IL1RAPL1: variants seen among roughly 807,000 people sequenced by gnomAD.
The protein encoded by IL1RAPL1 is interleukin 1 receptor accessory protein like 1, also known as interleukin-1 receptor accessory protein-like 1.
In IL1RAPL1, 3 loss-of-function variants were observed where a neutral mutation model predicts 48.4. That is an observed-to-expected ratio of 0.06 (90% CI 0.03 to 0.16). The LOEUF (loss-of-function observed/expected upper bound fraction) is 0.16, where lower values mean the gene tolerates loss of function less well. Ranked by LOEUF, IL1RAPL1 falls within the 10% of genes least tolerant of loss-of-function variation. IL1RAPL1 has a pLI of 1.00. For synonymous variants in IL1RAPL1, 185 were observed against 187.7 expected, an observed-to-expected ratio of 0.99 and a Z score of 0.12; for missense variants, 349 against 530.6, an observed-to-expected ratio of 0.66 and a Z score of 3.36.
At chrX:29,230,804 G>T (rs1931189454) in intron 2 of IL1RAPL1, among the ~76,000 whole-genome samples, 1 of 111,053 alleles carries the variant, frequency 9.0e-6, no homozygotes. Context: ...TCCCCCACAG[G>T]CAATACATGT....
intron 2 of IL1RAPL1, among the ~76,000 whole-genome samples, chrX:29,251,500 T>C (rs1931618556): frequency 8.9e-6 from 1 of 111,827 alleles, no homozygotes; most frequent in African/African-American, 3.2e-5. Flanking sequence ...CAAATACATG[T>C]ATGTATTCAC....
chrX:28,590,971 G>C (rs1433995234), intron 1 of IL1RAPL1, among the ~76,000 whole-genome samples: 2 of 112,013 alleles, frequency 1.8e-5, no homozygotes. Flanking sequence ...ACTTTCTTTA[G>C]GAAGATTATG....
chrX:29,089,072 G>A (rs1168292753), intron 2 of IL1RAPL1, among the ~76,000 whole-genome samples: 2 of 111,322 alleles, frequency 1.8e-5, no homozygotes, highest in Non-Finnish European at 3.8e-5. Flanking sequence ...CTTTATTAAT[G>A]TTCTTATGTG....
chrX:28,697,657 C>T (rs150571237), intron 1 of IL1RAPL1, among the ~76,000 whole-genome samples: 3,411 of 111,284 alleles, frequency 0.031, 135 homozygotes, highest in African/African-American at 0.11. Context: ...AAAGTACCCC[C>T]TCTTTTTATA....
chrX:29,310,127 A>G (rs1406815257), intron 3 of IL1RAPL1, among the ~76,000 whole-genome samples: 4 of 72,384 alleles, frequency 5.5e-5, no homozygotes, highest in African/African-American at 1.7e-4. Context: ...AAAAAAAAAA[A>G]AAGAAAGGAA....
intron 5 of IL1RAPL1, among the ~76,000 whole-genome samples, chrX:29,594,833 A>G (rs1335394543): frequency 9.0e-6 from 1 of 111,600 alleles, no homozygotes; most frequent in Non-Finnish European, 1.9e-5. Context: ...TGCACCCATC[A>G]CCTGAGCAGT....
intron 6 of IL1RAPL1, among the ~76,000 whole-genome samples, chrX:29,864,592 G>C (rs1931654786): frequency 8.9e-6 from 1 of 111,901 alleles, no homozygotes; most frequent in Non-Finnish European, 1.9e-5. Context: ...TGTATGAAGA[G>C]GGTATACAAA....
At chrX:29,519,511 G>A (rs1187805315) in intron 5 of IL1RAPL1, among the ~76,000 whole-genome samples, 1 of 111,608 alleles carries the variant, frequency 9.0e-6, no homozygotes, top group Non-Finnish European at 1.9e-5. Flanking sequence ...AGAGCAAGTC[G>A]AAAATATTTT....
chrX:29,092,139 G>C (rs965453815), intron 2 of IL1RAPL1, among the ~76,000 whole-genome samples: 5 of 110,982 alleles, frequency 4.5e-5, no homozygotes, highest in Non-Finnish European at 9.5e-5. Context: ...GGGGTTCTAG[G>C]TGGCACTTCA....
At chrX:29,853,141 G>C (rs1442499760) in intron 6 of IL1RAPL1, among the ~76,000 whole-genome samples, 1 of 103,886 alleles carries the variant, frequency 9.6e-6, no homozygotes, top group Non-Finnish European at 2.0e-5. Flanking sequence ...CCTATTTGAA[G>C]ACTGCAAGGA....
At chrX:28,890,310 C>G (rs1922740225) in intron 2 of IL1RAPL1, among the ~76,000 whole-genome samples, 1 of 111,263 alleles carries the variant, frequency 9.0e-6, no homozygotes. Context: ...ACCCCTAGTT[C>G]CCTGATAAAA....
intron 5 of IL1RAPL1, among the ~76,000 whole-genome samples, chrX:29,557,433 C>T (rs1352223681): frequency 9.0e-6 from 1 of 111,629 alleles, no homozygotes; most frequent in Non-Finnish European, 1.9e-5. Context: ...CACGATGTTT[C>T]GATGTAAGCA....
chrX:29,344,760 C>A (rs766341224), intron 3 of IL1RAPL1, among the ~76,000 whole-genome samples: 1 of 112,169 alleles, frequency 8.9e-6, no homozygotes, highest in Admixed American at 9.5e-5. Context: ...GTCTCAGCCT[C>A]CCCAGTAGCT....
At position 29,725,802 on chromosome X, in the gene IL1RAPL1, G is replaced by A. The variant is rs149203392; in HGVS notation, c.778+57298G>A. 4.9e-3 allele frequency among the ~76,000 whole-genome samples: 553 copies of A among 112,188 alleles called. 5 individuals carry two copies. The highest frequency in any genetic ancestry group is 0.017 in the African/African-American group (526 of 30,910). On this transcript the variant is annotated intron_variant, in intron 6 of 10. Coordinates refer to ENST00000378993, the MANE Select transcript of IL1RAPL1 (RefSeq NM_014271.4). The stretch of plus-strand genomic sequence containing the variant: ...ATTTATATGGTAACTTTTGTTCTAC[G>A]ACAGCTAGGGTACATTGTGAAAGTT...
intron 8 of IL1RAPL1, among the ~76,000 whole-genome samples, chrX:29,932,381 C>T (rs943658946): frequency 1.8e-5 from 2 of 112,093 alleles, no homozygotes; most frequent in Non-Finnish European, 3.8e-5. Context: ...CCTAACTTTG[C>T]GAAACCTGGT....
At chrX:29,704,913 T>C (rs1927152170) in intron 6 of IL1RAPL1, among the ~76,000 whole-genome samples, 1 of 111,349 alleles carries the variant, frequency 9.0e-6, no homozygotes, top group African/African-American at 3.3e-5. Context: ...CCTTTCAATT[T>C]TTTTAATTTT....
At chrX:28,696,549 G>T (rs1400874184) in intron 1 of IL1RAPL1, among the ~76,000 whole-genome samples, 1 of 111,109 alleles carries the variant, frequency 9.0e-6, no homozygotes, top group Non-Finnish European at 1.9e-5. Flanking sequence ...CCAACACAAA[G>T]AAAAGATAAA....
intron 6 of IL1RAPL1, among the ~76,000 whole-genome samples, chrX:29,696,543 T>G (rs1926917803): frequency 8.9e-6 from 1 of 111,856 alleles, no homozygotes; most frequent in African/African-American, 3.2e-5. Context: ...TCAGTGGAAA[T>G]GCATGGTGCG....
chrX:29,014,998 C>T (rs762460808), intron 2 of IL1RAPL1, among the ~76,000 whole-genome samples: 2 of 110,751 alleles, frequency 1.8e-5, no homozygotes, highest in South Asian at 3.8e-4. Flanking sequence ...TCTGAATAGT[C>T]TAAGAACTCA....
Sources: gnomAD v4.1 joint callset for allele counts (sites outside exome capture counted in the v4.1 genomes callset) on GRCh38, gnomAD v4.1.1 for gene constraint, MANE v1.5 for transcripts, NCBI Gene and HGNC (gene_info 2026-07-23, HGNC 2026-07-21) for gene names.